DHTKD1: variants seen among roughly 807,000 people sequenced by gnomAD.
The protein encoded by DHTKD1 is 2-oxoadipate dehydrogenase complex component E1.
DHTKD1 carries 78 observed loss-of-function variants against 101.8 expected under a neutral mutation model. That is an observed-to-expected ratio of 0.77 (90% CI 0.64 to 0.93). The LOEUF is 0.93. Among genes scored for constraint, DHTKD1 ranks in the 40% least tolerant of loss-of-function variants. The pLI is 0.00. For synonymous variants in DHTKD1, 462 were observed against 450.3 expected, an observed-to-expected ratio of 1.03 and a Z score of -0.33; for missense variants, 1,223 against 1,161.7, an observed-to-expected ratio of 1.05 and a Z score of -0.77.
chr10:12,086,114 C>T (rs956687972), intron 3 of DHTKD1, among the ~76,000 whole-genome samples: 7 of 151,692 alleles, frequency 4.6e-5, no homozygotes, highest in East Asian at 1.9e-4. Context: ...ATGATCCACC[C>T]GCCTCGGCCT....
chr10:12,079,083 A>G (rs931842498), intron 1 of DHTKD1, among the ~76,000 whole-genome samples: 1 of 151,980 alleles, frequency 6.6e-6, no homozygotes, highest in Non-Finnish European at 1.5e-5. Flanking sequence ...GGGAGTACCA[A>G]TATTTTATGT....
intron 2 of DHTKD1, 105 bp downstream of exon 2, chr10:12,081,732 C>T: frequency 3.0e-6 from 4 of 1,329,488 alleles, no homozygotes; most frequent in Admixed American, 2.0e-5. Flanking sequence ...GAGGCTCCCG[C>T]AGGTGTGAGG....
At position 12,118,908 on chromosome 10, in the gene DHTKD1, A is replaced by G; in HGVS notation, c.2562A>G (p.Lys854=). ...DSLQQEMSKY[K]HVKDHIWSQE... is the part of the protein sequence containing the mutation. ...TACAGCAAGAGATGAGCAAATACAA[A>G]CATGTTAAAGGTAAGAGGTTGTTCT... is the stretch of plus-strand genomic sequence containing the variant. The change falls in exon 15 of 17, where the codon AAA becomes AAG. Residue 854 remains lysine (K), a synonymous_variant. Coordinates refer to ENST00000263035, the MANE Select transcript of DHTKD1 (RefSeq NM_018706.7). The G allele has an allele frequency of 7.0e-6, 11 of 1,576,594 alleles. No homozygotes were observed. Among genetic ancestry groups the G allele is most frequent in the Non-Finnish European group, 9.5e-6 (11 of 1,162,308 alleles).
Position 12,087,386 on chromosome 10 carries a change from T to C in DHTKD1, c.523-149T>C, listed in dbSNP as rs1832918524. On this transcript the variant is annotated intron_variant, in intron 3 of 16. Transcript: ENST00000263035. This position sits in a 1 kb window ranked among gnomAD's most constrained non-coding sequence, Gnocchi z 5.2. ...AAACCATCCCGCTGTGTCCGTGTTA[T>C]GTCTCTCTCCGGGATATGTAGTAAA... The C allele has an allele frequency of 3.3e-6, 2 of 608,058 alleles. No homozygotes were observed. The highest frequency in any genetic ancestry group is 3.4e-5 in the Admixed American group (1 of 29,368). 37.7% of individuals were successfully genotyped at this position (608,058 alleles called of 1,614,324 possible).
In DHTKD1 at chr10:12,121,011, G is replaced by A; in HGVS notation, c.*123G>A. 1 of 776,802 alleles carries A rather than the reference G, an allele frequency of 1.3e-6. No homozygotes were observed. Among genetic ancestry groups the A allele is most frequent in the Non-Finnish European group, 2.1e-6 (1 of 482,378 alleles). 48.1% of individuals were successfully genotyped at this position (776,802 alleles called of 1,614,324 possible). A position where few individuals can be genotyped will look rare whatever the true frequency, so the allele number is the denominator to read the frequency against. The stretch of plus-strand genomic sequence containing the variant: ...AAGGCTGGTGGATCACCTGAGGTCA[G>A]GAGTTCGAGACCAGCCTGGCCAACA... On this transcript the variant is annotated 3_prime_UTR_variant, in exon 17 of 17. Transcript: ENST00000263035.
rs1429093698 is a variant in DHTKD1 at position 12,080,384 on chromosome 10, A to G, written c.155-1088A>G. ...ATGGGTGGCTCTGAAATCATTCCAC[A>G]GCAACACTTGTTCATAAAATGGACC... On this transcript the variant is annotated intron_variant, in intron 1 of 16. Transcript: ENST00000263035. 2.0e-5 allele frequency among the ~76,000 whole-genome samples: 3 copies of G among 151,852 alleles called. No homozygotes were observed. The East Asian group carries it at 5.8e-4, about 29-fold the overall frequency.
chr10:12,081,273 CAAAAAAAAAA>C (rs3060443), intron 1 of DHTKD1, among the ~76,000 whole-genome samples, 189 bp from the exon 2 acceptor site: 5 of 70,902 alleles, frequency 7.1e-5, no homozygotes, highest in South Asian at 5.0e-4. Flanking sequence ...GACTCCATCT[CAAAAAAAAAA>C]AAAAAAAAAA....
At chr10:12,088,787 G>C (rs1832942684) in intron 4 of DHTKD1, among the ~76,000 whole-genome samples, 199 bp from the exon 5 acceptor site, 4 of 152,024 alleles carry the variant, frequency 2.6e-5, no homozygotes, top group South Asian at 2.1e-4. Context: ...GTTTCACCAT[G>C]TTGGCCAGGC....
chr10:12,115,171 G>A (rs2691051), intron 13 of DHTKD1, among the ~76,000 whole-genome samples: 151,755 of 152,112 alleles, frequency 1, 75,703 homozygotes, highest in Middle Eastern at 1. Flanking sequence ...TGGCTCGCTC[G>A]CTGCAAACTC....
chr10:12,120,673 A>G, intron 16 of DHTKD1, 114 bp from the exon 17 acceptor site: 1 of 873,090 alleles, frequency 1.1e-6, no homozygotes, highest in East Asian at 2.6e-5. Flanking sequence ...TATTTGAAAG[A>G]GGTGATTTAT....
chr10:12,108,725 T>G (rs1348734823), intron 12 of DHTKD1, among the ~76,000 whole-genome samples: 1 of 152,238 alleles, frequency 6.6e-6, no homozygotes, highest in African/African-American at 2.4e-5. Context: ...GGAAAGAATT[T>G]ACTGTGAATA....
At chr10:12,075,913 A>G (rs1302464306) in intron 1 of DHTKD1, among the ~76,000 whole-genome samples, 3 of 150,892 alleles carry the variant, frequency 2.0e-5, no homozygotes, top group Non-Finnish European at 4.4e-5. Flanking sequence ...TTTTCTTTTA[A>G]AACAATTTTG....
chr10:12,100,059 G>C, intron 8 of DHTKD1, 119 bp from the exon 9 acceptor site: 1 of 570,428 alleles, frequency 1.8e-6, no homozygotes, highest in Non-Finnish European at 3.1e-6. Flanking sequence ...GCCTCCCAAA[G>C]TGCTGGGATT....
intron 12 of DHTKD1, among the ~76,000 whole-genome samples, 161 bp from the exon 13 acceptor site, chr10:12,112,739 C>A (rs768875652): frequency 3.3e-5 from 5 of 152,176 alleles, no homozygotes; most frequent in South Asian, 2.1e-4. Flanking sequence ...TAATACCGCA[C>A]CGTTCATAAA....
chr10:12,112,719 C>T (rs561753678), intron 12 of DHTKD1, among the ~76,000 whole-genome samples, 181 bp from the exon 13 acceptor site: 1 of 152,236 alleles, frequency 6.6e-6, no homozygotes, highest in African/African-American at 2.4e-5. Flanking sequence ...CATCAGAGCT[C>T]TCCTTTGGTT....
chr10:12,090,428 T>TTTCC (rs57839020), intron 5 of DHTKD1, among the ~76,000 whole-genome samples: 9,701 of 119,692 alleles, frequency 0.081, 699 homozygotes, highest in African/African-American at 0.13. Flanking sequence ...TTCCTTCCTT[T>TTTCC]TTCCTTCCTT....
intron 15 of DHTKD1, among the ~76,000 whole-genome samples, chr10:12,119,485 G>C (rs1043971047): frequency 6.0e-5 from 9 of 150,858 alleles, no homozygotes; most frequent in Non-Finnish European, 8.8e-5. Flanking sequence ...GCGTGGTGGC[G>C]GGCGCCTGTA....
At position 12,100,287 on chromosome 10, in the gene DHTKD1, G is replaced by GCTTTTTTTTTTTTT. The variant is rs774056019; in HGVS notation, c.1756+25_1756+26insCTTTTTTTTTTTTT. ...GGTAAGAATTTTCTTTTTTTTTTCT[G>GCTTTTTTTTTTTTT]TTTTTTTTTTTTTTGAGTCTCACCC... On this transcript the variant is annotated intron_variant, in intron 9 of 16. Transcript: ENST00000263035. 37 of 272,266 alleles carry GCTTTTTTTTTTTTT rather than the reference G, an allele frequency of 1.4e-4. 3 individuals carry two copies. Among genetic ancestry groups the GCTTTTTTTTTTTTT allele is most frequent in the African/African-American group, 1.2e-3 (34 of 27,694 alleles). 16.9% of individuals were successfully genotyped at this position (272,266 alleles called of 1,614,324 possible).
In DHTKD1 at chr10:12,088,933, A is replaced by G. The variant is rs796635554; in HGVS notation, c.718-53A>G. The G allele has an allele frequency of 2.6e-5, 39 of 1,517,986 alleles. 1 individual carries two copies. The African/African-American group carries it at 5.1e-4, about 20-fold the overall frequency. 94.0% of individuals were successfully genotyped at this position (1,517,986 alleles called of 1,614,324 possible). A position where few individuals can be genotyped will look rare whatever the true frequency, so the allele number is the denominator to read the frequency against. ...GATTTCAACTCAGCACTTCTTCCCT[A>G]GACTCCATTGTGATGAATGCCATTT... On this transcript the variant is annotated intron_variant, in intron 4 of 16. Transcript: ENST00000263035.
Sources: allele counts gnomAD v4.1 joint callset (sites outside exome capture counted in the v4.1 genomes callset), GRCh38; gene constraint gnomAD v4.1.1; non-coding constraint Gnocchi (gnomAD v3.1); transcripts MANE v1.5; gene names NCBI Gene and HGNC (gene_info 2026-07-23, HGNC 2026-07-21).